GPHN: variants seen among roughly 807,000 people sequenced by gnomAD.
GPHN encodes the protein gephyrin.
A neutral mutation model predicts 95.5 loss-of-function variants in GPHN; 17 were observed. That is an observed-to-expected ratio of 0.18 (90% CI 0.12 to 0.27). The LOEUF (loss-of-function observed/expected upper bound fraction) is 0.27. Ranked by LOEUF, GPHN falls within the 10% of genes least tolerant of loss-of-function variation. The probability of loss-of-function intolerance (pLI) is 1.00; values close to 1 mark genes in which losing one functional copy is unlikely to be tolerated. For synonymous variants in GPHN, 320 were observed against 322.5 expected (o/e 0.99, Z 0.08); for missense variants, 660 against 978.1 (o/e 0.67, Z 4.34).
At chr14:66,899,122 C>CTTTTTTTTTTTTTTTTTTTTTT (rs149566081) in intron 5 of GPHN, among the ~76,000 whole-genome samples, 2 of 130,812 alleles carry the variant, frequency 1.5e-5, no homozygotes, top group African/African-American at 2.7e-5. Context: ...AGGGCTTTTT[C>CTTTTTTTTTTTTTTTTTTTTTT]TTTTTTTTTT....
At chr14:66,909,460 T>G (rs1012571346) in intron 5 of GPHN, among the ~76,000 whole-genome samples, 1 of 152,034 alleles carries the variant, frequency 6.6e-6, no homozygotes, top group African/African-American at 2.4e-5. Context: ...TAAAAGTATA[T>G]TTTTAAAAGA....
At chr14:67,552,543 G>A in the GPHN span, among the ~76,000 whole-genome samples, 6 of 152,148 alleles carry the variant, frequency 3.9e-5, no homozygotes, top group African/African-American at 1.4e-4. Context: ...CGAGGTGGGC[G>A]GATCACGAGG....
chr14:66,870,845 A>G (rs1047949666), intron 4 of GPHN, among the ~76,000 whole-genome samples: 2 of 152,214 alleles, frequency 1.3e-5, no homozygotes, highest in Admixed American at 1.3e-4. Flanking sequence ...CCTAAAGACC[A>G]CAGTGTAATA....
At chr14:66,693,044 TA>T (rs1413353504) in intron 2 of GPHN, among the ~76,000 whole-genome samples, 1 of 151,908 alleles carries the variant, frequency 6.6e-6, no homozygotes, top group East Asian at 1.9e-4. Context: ...AAAATATAAA[TA>T]AGCCCACTAC....
chr14:67,054,091 A>G (rs531162146), intron 10 of GPHN, among the ~76,000 whole-genome samples: 1 of 152,314 alleles, frequency 6.6e-6, no homozygotes, highest in African/African-American at 2.4e-5. Flanking sequence ...TATTCAACAT[A>G]GAATTGGAAA....
chr14:67,164,556 A>G (rs886307460), intron 19 of GPHN, among the ~76,000 whole-genome samples: 1 of 151,866 alleles, frequency 6.6e-6, no homozygotes, highest in Non-Finnish European at 1.5e-5. Context: ...TGCAGTGGCC[A>G]TCTCAGCTCA....
chr14:66,592,574 A>G (rs878960568), intron 1 of GPHN, among the ~76,000 whole-genome samples: 1 of 152,232 alleles, frequency 6.6e-6, no homozygotes, highest in African/African-American at 2.4e-5. Context: ...TCGTCACTAG[A>G]GAAATGCAAA....
the GPHN span, chr14:67,254,402 A>G: frequency 1.3e-5 from 2 of 152,160 alleles, no homozygotes; most frequent in African/African-American, 4.8e-5. Flanking sequence ...TTATAAGAAT[A>G]TCCTCATATG....
At chr14:66,964,020 C>T (rs563115666) in intron 8 of GPHN, among the ~76,000 whole-genome samples, 1 of 152,192 alleles carries the variant, frequency 6.6e-6, no homozygotes, top group South Asian at 2.1e-4. Flanking sequence ...ATTTGAAAGT[C>T]CTCATGTTCC....
chr14:67,301,894 T>C, the GPHN span: 1 of 1,423,760 alleles, frequency 7.0e-7, no homozygotes, highest in Non-Finnish European at 9.4e-7. Flanking sequence ...GTCAGAATAC[T>C]ATGTACATAG....
intron 8 of GPHN, among the ~76,000 whole-genome samples, chr14:66,934,575 T>A (rs2067004091): frequency 6.6e-6 from 1 of 152,210 alleles, no homozygotes; most frequent in Non-Finnish European, 1.5e-5. Flanking sequence ...GTGGATTTCA[T>A]CTCTTATATT....
the GPHN span, among the ~76,000 whole-genome samples, chr14:67,663,653 G>A: frequency 6.6e-6 from 1 of 152,122 alleles, no homozygotes; most frequent in African/African-American, 2.4e-5. Flanking sequence ...CAGCCTGGGC[G>A]ACAGAGGGAG....
chr14:67,320,397 C>G, the GPHN span: 1 of 1,592,754 alleles, frequency 6.3e-7, no homozygotes. Context: ...TGCAGTTCCT[C>G]GTAAGTTTGA....
chr14:66,664,819 A>G (rs976511755), intron 1 of GPHN, among the ~76,000 whole-genome samples: 1 of 152,076 alleles, frequency 6.6e-6, no homozygotes, highest in Non-Finnish European at 1.5e-5. Flanking sequence ...ACAAGCAACC[A>G]TCAGAGAATA....
the GPHN span, chr14:67,569,341 C>T: frequency 3.2e-6 from 2 of 634,834 alleles, no homozygotes; most frequent in Non-Finnish European, 5.5e-6. Context: ...TTCCCCTCCC[C>T]AGCAGGTGAA....
intron 2 of GPHN, among the ~76,000 whole-genome samples, chr14:66,688,845 A>G (rs1485755702): frequency 3.4e-5 from 5 of 146,106 alleles, no homozygotes; most frequent in Non-Finnish European, 3.0e-5. Flanking sequence ...GTTCTCACTC[A>G]TAAGTGGGAG....
chr14:67,339,289 G>A, the GPHN span, among the ~76,000 whole-genome samples: 1 of 152,080 alleles, frequency 6.6e-6, no homozygotes, highest in African/African-American at 2.4e-5. Context: ...GAGCCACCGA[G>A]CCCAGCCTAG....
chr14:66,616,050 A>G (rs1014524575), intron 1 of GPHN, among the ~76,000 whole-genome samples: 6 of 151,652 alleles, frequency 4.0e-5, no homozygotes, highest in African/African-American at 1.5e-4. Context: ...GTTATTTCTG[A>G]GATCTCTGTT....
intron 1 of GPHN, among the ~76,000 whole-genome samples, chr14:66,645,450 G>A (rs1251928986): frequency 6.6e-6 from 1 of 151,976 alleles, no homozygotes; most frequent in Admixed American, 6.6e-5. Context: ...GCTTTGGGAG[G>A]CTGAGGCAGA....
Sources: gnomAD v4.1 joint callset for allele counts (sites outside exome capture counted in the v4.1 genomes callset) on GRCh38, gnomAD v4.1.1 for gene constraint, MANE v1.5 for transcripts, NCBI Gene and HGNC (gene_info 2026-07-23, HGNC 2026-07-21) for gene names.